Variants in DDX55 observed in about 807,000 individuals in gnomAD.
DDX55 encodes the protein DEAD-box helicase 55, also known as ATP-dependent RNA helicase DDX55.
DDX55 carries 56 observed loss-of-function variants against 69.2 expected under a neutral mutation model. The ratio of observed to expected loss-of-function variants is 0.81; its 90% CI spans 0.65 to 1.01. The LOEUF (loss-of-function observed/expected upper bound fraction) is 1.01, where lower values mean the gene tolerates loss of function less well. DDX55 is among the 50% of genes least tolerant of loss of function. DDX55 has a pLI of 0.00. For synonymous variants in DDX55, 268 were observed against 273.1 expected (o/e 0.98, Z 0.18); for missense variants, 720 against 745.1 (o/e 0.97, Z 0.39).
chr12:123,620,157 G>T lies in DDX55; in HGVS notation c.*17G>T. On this transcript the variant is annotated 3_prime_UTR_variant, in exon 14 of 14. Transcript: ENST00000238146. ...GACTGCTGATTCCAGTGCCACAGATGAACCCACAAGGACATAGCTGTTCCC... is the reference window on the plus strand; with the variant it reads ...GACTGCTGATTCCAGTGCCACAGATTAACCCACAAGGACATAGCTGTTCCC... The T allele has an allele frequency of 1.2e-6, 2 of 1,610,746 alleles. No homozygotes were observed. The highest frequency in any genetic ancestry group is 2.2e-5 in the South Asian group (2 of 90,760).
rs961487280 is a variant in DDX55, at chr12:123,620,932, T to C, written c.*792T>C. 4 of 152,126 alleles carry C rather than the reference T, an allele frequency of 2.6e-5. No individual in the cohort carries two copies. The highest frequency in any genetic ancestry group is 7.2e-5 in the African/African-American group (3 of 41,416). 9.4% of individuals were successfully genotyped at this position (152,126 alleles called of 1,614,324 possible). A position where few individuals can be genotyped will look rare whatever the true frequency, so the allele number is the denominator to read the frequency against. ...GCCTCCTGTTGAATAAATGGTGTCC[T>C]GATTGCCTGGGTCTTAAGTGTGTAA... On this transcript the variant is annotated 3_prime_UTR_variant, in exon 14 of 14. Coordinates refer to ENST00000238146, the MANE Select transcript of DDX55 (RefSeq NM_020936.3).
intron 1 of DDX55, among the ~76,000 whole-genome samples, chr12:123,602,686 G>T (rs1953642823): frequency 6.6e-6 from 1 of 152,232 alleles, no homozygotes; most frequent in Admixed American, 6.5e-5. Flanking sequence ...ATCTCTTCAA[G>T]AATATTTCTT....
At chr12:123,618,471 A>C (rs774545443) in intron 11 of DDX55, 198 bp from the exon 12 acceptor site, 33 of 1,500,990 alleles carry the variant, frequency 2.2e-5, no homozygotes, top group Non-Finnish European at 2.9e-5. Flanking sequence ...TGTCATGTGA[A>C]ATCTGATTTT....
rs751055096 is a variant in DDX55, at chr12:123,602,124, G to T, written c.-25G>T. 3 of 1,535,756 alleles carry T rather than the reference G, an allele frequency of 2.0e-6. No individual in the cohort carries two copies. Among genetic ancestry groups the T allele is most frequent in the Non-Finnish European group, 1.8e-6 (2 of 1,140,714 alleles). ...GCACAAGGCGCGTTCGAGCAGCGGC[G>T]ACCGACGCGGCGAAGGAGCGCGCCA... On this transcript the variant is annotated 5_prime_UTR_variant, in exon 1 of 14. Transcript: ENST00000238146.
At position 123,602,182 on chromosome 12, in the gene DDX55, C is replaced by T; in HGVS notation, c.34C>T (p.Leu12=). The T allele has an allele frequency of 6.4e-7, 1 of 1,567,286 alleles. No individual in the cohort carries two copies. Among genetic ancestry groups the T allele is most frequent in the Non-Finnish European group, 8.6e-7 (1 of 1,158,252 alleles). ...TGTGACAGAGGGCTCCTGGGAGTCG[C>T]TGCCTGTGCCGCTGCACCCGCAGGT... ...EHVTEGSWES[L]PVPLHPQVLG... Residue 12 remains leucine (L), a synonymous_variant, in exon 1 of 14, where the codon CTG becomes TTG. Transcript: ENST00000238146.
rs1271830041 is a variant in DDX55, at chr12:123,619,831, G to A, written c.1626+107G>A. 14 of 1,517,464 alleles carry A rather than the reference G, an allele frequency of 9.2e-6. No homozygotes were observed. The South Asian group carries it at 1.4e-4, about 15-fold the overall frequency. 94.0% of individuals were successfully genotyped at this position (1,517,464 alleles called of 1,614,324 possible). A position where few individuals can be genotyped will look rare whatever the true frequency, so the allele number is the denominator to read the frequency against. ...GCTGTCAGATTTCTGTTACGTTGGC[G>A]ACCAGGGTGGGGAATTTGCTCTATT... On this transcript the variant is annotated intron_variant, in intron 13 of 13. Coordinates refer to ENST00000238146, the MANE Select transcript of DDX55 (RefSeq NM_020936.3).
intron 3 of DDX55, among the ~76,000 whole-genome samples, chr12:123,607,021 A>G (rs187963692): frequency 1.3e-5 from 2 of 152,350 alleles, no homozygotes; most frequent in African/African-American, 4.8e-5. Context: ...CTAAGGCATG[A>G]GTTAATGTGC....
At chr12:123,614,102 C>T (rs1277380988) in intron 8 of DDX55, among the ~76,000 whole-genome samples, 1 of 152,112 alleles carries the variant, frequency 6.6e-6, no homozygotes, top group African/African-American at 2.4e-5. Flanking sequence ...GGTACACACC[C>T]AAACAAGACA....
chr12:123,619,297 C>T, intron 12 of DDX55, 135 bp from the exon 13 acceptor site: 1 of 1,383,894 alleles, frequency 7.2e-7, no homozygotes, highest in Non-Finnish European at 9.4e-7. Context: ...GCCACTGCAC[C>T]CGGCCTCAAT....
intron 9 of DDX55, 82 bp from the exon 10 acceptor site, chr12:123,616,423 GTGTCAC>G (rs1312614954): frequency 8.6e-7 from 1 of 1,167,484 alleles, no homozygotes; most frequent in African/African-American, 1.5e-5. Flanking sequence ...CAGCACCTGT[GTGTCAC>G]TGTCATCGAG....
At chr12:123,606,720 A>T (rs1334754370) in intron 3 of DDX55, among the ~76,000 whole-genome samples, 2 of 151,590 alleles carry the variant, frequency 1.3e-5, no homozygotes, top group Non-Finnish European at 2.9e-5. Flanking sequence ...CCTTCCAAGT[A>T]GCTGGGACTA....
At chr12:123,618,900 T>C (rs2135749683) in intron 12 of DDX55, 63 bp downstream of exon 12, 2 of 1,576,000 alleles carry the variant, frequency 1.3e-6, no homozygotes, top group African/African-American at 2.7e-5. Context: ...CTTACAAGTA[T>C]GAGATTGCTT....
chr12:123,619,912 A>T, intron 13 of DDX55, 52 bp from the exon 14 acceptor site: 1 of 1,569,720 alleles, frequency 6.4e-7, no homozygotes, highest in South Asian at 1.2e-5. Context: ...TGGTTTCACT[A>T]CAACACTATT....
At chr12:123,610,841 C>T (rs561604447) in intron 7 of DDX55, among the ~76,000 whole-genome samples, 10 of 151,528 alleles carry the variant, frequency 6.6e-5, no homozygotes, top group East Asian at 5.8e-4. Flanking sequence ...CCACCTGCCT[C>T]GGCCTCCCAA....
chr12:123,606,228 C>A, intron 3 of DDX55, 69 bp downstream of exon 3: 1 of 1,564,248 alleles, frequency 6.4e-7, no homozygotes, highest in South Asian at 1.2e-5. Context: ...AAGAAGCTGG[C>A]TACAAATGTG....
intron 7 of DDX55, among the ~76,000 whole-genome samples, chr12:123,612,679 T>TA (rs35122557): frequency 0.16 from 24,060 of 147,364 alleles, 2,354 homozygotes; most frequent in African/African-American, 0.28. Flanking sequence ...AATCTGCATT[T>TA]AAAAAAAAAA....
chr12:123,616,431 GTCA>G lies in DDX55; in HGVS notation c.957-77_957-75del, dbSNP rs1299139148. 2.3e-6 allele frequency: 3 copies of G among 1,292,684 alleles called. No individual in the cohort carries two copies. In the African/African-American group the frequency reaches 4.4e-5, roughly 19 times the overall value. 80.1% of individuals were successfully genotyped at this position (1,292,684 alleles called of 1,614,324 possible). ...GAAGCTCCAGCACCTGTGTGTCACT[GTCA>G]TCGAGATCAGTAGGCTGTTTGATGG... On this transcript the variant is annotated intron_variant, in intron 9 of 13. Transcript: ENST00000238146.
At chr12:123,609,804 C>A in intron 6 of DDX55, 135 bp from the exon 7 acceptor site, 1 of 1,015,896 alleles carries the variant, frequency 9.8e-7, no homozygotes, top group Non-Finnish European at 1.4e-6. Flanking sequence ...ATAATCTCAC[C>A]TCCCAGTGTA....
chr12:123,602,771 C>T (rs1232498853), intron 1 of DDX55, among the ~76,000 whole-genome samples: 1 of 152,230 alleles, frequency 6.6e-6, no homozygotes, highest in Non-Finnish European at 1.5e-5. Flanking sequence ...CATAGCCTTA[C>T]TTTCTAGTGC....
Sources: gnomAD v4.1 joint callset for allele counts (sites outside exome capture counted in the v4.1 genomes callset) on GRCh38, gnomAD v4.1.1 for gene constraint, MANE v1.5 for transcripts, NCBI Gene and HGNC (gene_info 2026-07-23, HGNC 2026-07-21) for gene names.